Variants in TRIM50 observed in about 807,000 individuals in gnomAD.
TRIM50 encodes tripartite motif containing 50.
A neutral mutation model predicts 44.9 loss-of-function variants in TRIM50; 34 were observed. That is an observed-to-expected ratio of 0.76 (90% CI 0.58 to 1.01). The LOEUF is 1.01. Among genes scored for constraint, TRIM50 ranks in the 50% least tolerant of loss-of-function variants. TRIM50 has a pLI of 0.00. For synonymous variants in TRIM50, 307 were observed against 291.1 expected, an observed-to-expected ratio of 1.05 and a Z score of -0.56; for missense variants, 633 against 663.7, an observed-to-expected ratio of 0.95 and a Z score of 0.51.
rs1378358205 is a variant in TRIM50, at chr7:73,323,801, A to T, written c.399+588T>A. On this transcript the variant is annotated intron_variant, in intron 2 of 6. Transcript: ENST00000333149. ...ATGCCTATAATTCCAGCACTTTGGG[A>T]GGCCCAGGCAGGAGGATCATTGGAG... Among the ~76,000 whole-genome samples, 3 of 152,176 alleles carry T rather than the reference A, an allele frequency of 2.0e-5. No individual in the cohort carries two copies. The East Asian group carries it at 5.8e-4, about 29-fold the overall frequency.
intron 2 of TRIM50, among the ~76,000 whole-genome samples, chr7:73,320,605 C>T (rs573696919): frequency 6.7e-5 from 10 of 149,924 alleles, no homozygotes; most frequent in Middle Eastern, 7.2e-3. Context: ...GGCTAAGGCA[C>T]GAGAATCGCT....
rs201525569 is a variant in TRIM50 at position 73,318,849 on chromosome 7, G to T, written c.699C>A (p.Gly233=). The part of the protein sequence containing the change: ...AQAECVLEQF[G]NEDHHKFIRK... ...GGATGAACTTGTGGTGGTCCTCATT[G>T]CCGAACTGTTCCAGCACACACTCGG... Residue 233 remains glycine (G), a synonymous_variant, in exon 4 of 7, where the codon GGC becomes GGA. Transcript: ENST00000333149. The T allele has an allele frequency of 3.4e-4, 547 of 1,613,648 alleles. 1 individual carries two copies. The highest frequency in any genetic ancestry group is 5.0e-4 in the Middle Eastern group (3 of 6,050).
At chr7:73,316,825 C>G (rs1804373009) in intron 5 of TRIM50, 136 bp from the exon 6 acceptor site, 1 of 1,340,920 alleles carries the variant, frequency 7.5e-7, no homozygotes, top group African/African-American at 1.5e-5. Context: ...CCCATCATCC[C>G]CTCCCCTGCA....
At chr7:73,327,497 T>C (rs558482084) in intron 1 of TRIM50, among the ~76,000 whole-genome samples, 1 of 152,094 alleles carries the variant, frequency 6.6e-6, no homozygotes. Context: ...AATCAATCAA[T>C]CAATCAATCA....
chr7:73,313,419 G>C lies in TRIM50; in HGVS notation c.966C>G (p.Ala322=). The C allele has an allele frequency of 6.4e-7, 1 of 1,570,846 alleles. No homozygotes were observed. ...GCTCAGGCTGGCTGGCTCGCCGCTG[G>C]GCCAGAAGCCCGCACTGCACCACCG... ...GNTVVQCGLL[A]QRRASQPERF... Residue 322 remains alanine (A), a synonymous_variant, in exon 7 of 7, where the codon GCC becomes GCG. Coordinates refer to ENST00000333149, the MANE Select transcript of TRIM50 (RefSeq NM_178125.3). This position sits in a 1 kb window ranked among gnomAD's most constrained non-coding sequence, Gnocchi z 4.9.
At chr7:73,326,686 C>G (rs1554546151) in intron 1 of TRIM50, among the ~76,000 whole-genome samples, 1 of 151,774 alleles carries the variant, frequency 6.6e-6, no homozygotes, top group African/African-American at 2.4e-5. Context: ...ATAGAATGTA[C>G]TCTTTTGTGT....
chr7:73,314,946 T>C (rs1490147070), intron 6 of TRIM50: 1 of 281,520 alleles, frequency 3.6e-6, no homozygotes, highest in South Asian at 3.8e-5. Context: ...GTGTGTAAAG[T>C]GGGGTCCCTG....
rs781942455 is a variant in TRIM50 at position 73,319,022 on chromosome 7, G to A, written c.526C>T (p.Arg176Cys). ...TGGTGCAGCTCCTGGAACTCGCGGC[G>A]GATCACCCAGCTGAAGACATCCGAC... ...NESDVFSWVI[R>C]REFQELHHLV... Residue 176 changes from arginine to cysteine, a missense_variant, in exon 4 of 7, where the codon CGC becomes TGC. Coordinates refer to ENST00000333149, the MANE Select transcript of TRIM50 (RefSeq NM_178125.3). The A allele has an allele frequency of 1.1e-5, 17 of 1,613,860 alleles. No individual in the cohort carries two copies. Among genetic ancestry groups the A allele is most frequent in the Admixed American group, 3.3e-5 (2 of 59,990 alleles).
chr7:73,313,216 T>C lies in TRIM50; in HGVS notation c.1169A>G (p.Lys390Arg). 6.3e-7 allele frequency: 1 copy of C among 1,592,522 alleles called. No individual in the cohort carries two copies. The highest frequency in any genetic ancestry group is 1.1e-5 in the South Asian group (1 of 87,900). Residue 390 changes from lysine (K) to arginine (R), a missense_variant, in exon 7 of 7, where the codon AAG (lysine) becomes AGG (arginine). By Grantham distance (26) the Lys-to-Arg change is conservative. Coordinates refer to ENST00000333149, the MANE Select transcript of TRIM50 (RefSeq NM_178125.3). This position sits in a 1 kb window ranked among gnomAD's most constrained non-coding sequence, Gnocchi z 4.9. The stretch of plus-strand genomic sequence containing the variant: ...AAAGGCTTCGTACACCCGGCCCTCC[T>C]TCAGGCCGATCAGCCACACGCCGTG... ...PEHGVWLIGL[K>R]EGRVYEAFAC...
At position 73,316,713 on chromosome 7, in the gene TRIM50, AAG is replaced by A. The variant is rs782375233; in HGVS notation, c.750-26_750-25del. ...CTCTGCAGGTGACAGTTCACAGTAC[AAG>A]AGAGTGAGGTATCACGTGGCCCACC... On this transcript the variant is annotated intron_variant, in intron 5 of 6. Transcript: ENST00000333149. 4 of 1,610,362 alleles carry A rather than the reference AAG, an allele frequency of 2.5e-6. No homozygotes were observed. In the South Asian group the frequency reaches 4.4e-5, roughly 18 times the overall value.
intron 1 of TRIM50, 75 bp from the exon 2 acceptor site, chr7:73,324,880 C>T: frequency 6.3e-7 from 1 of 1,576,224 alleles, no homozygotes; most frequent in Non-Finnish European, 8.6e-7. Flanking sequence ...CACCCTCAAC[C>T]CTAAGGAGCA....
intron 5 of TRIM50, 42 bp from the exon 6 acceptor site, chr7:73,316,731 G>C (rs1421697140): frequency 6.2e-7 from 1 of 1,601,392 alleles, no homozygotes; most frequent in African/African-American, 1.3e-5. Flanking sequence ...GAGGTATCAC[G>C]TGGCCCACCC....
In TRIM50 at chr7:73,313,999, C is replaced by T. The variant is rs2115712588; in HGVS notation, c.875-489G>A. ...CTAGCCTAGTCAGCCTATTCAAGGA[C>T]GAACTAGCCCACCTGAGCTTTTTGC... On this transcript the variant is annotated intron_variant, in intron 6 of 6. Coordinates refer to ENST00000333149, the MANE Select transcript of TRIM50 (RefSeq NM_178125.3). The surrounding 1 kb of genome is among the most constrained non-coding windows in gnomAD (Gnocchi z 4.9). 1 of 241,540 alleles carries T rather than the reference C, an allele frequency of 4.1e-6. No individual in the cohort carries two copies. Among genetic ancestry groups the T allele is most frequent in the Non-Finnish European group, 8.0e-6 (1 of 124,508 alleles). 15.0% of individuals were successfully genotyped at this position (241,540 alleles called of 1,614,324 possible).
intron 3 of TRIM50, 70 bp downstream of exon 3, chr7:73,320,077 T>C: frequency 6.2e-7 from 1 of 1,612,276 alleles, no homozygotes; most frequent in South Asian, 1.1e-5. Flanking sequence ...AAAGGACCAA[T>C]GAGAACTGAG....
Position 73,313,602 on chromosome 7 carries a change from G to A in TRIM50, c.875-92C>T. The A allele has an allele frequency of 9.0e-7, 1 of 1,109,046 alleles. No individual in the cohort carries two copies. The highest frequency in any genetic ancestry group is 1.2e-6 in the Non-Finnish European group (1 of 801,004). 68.7% of individuals were successfully genotyped at this position (1,109,046 alleles called of 1,614,324 possible). On this transcript the variant is annotated intron_variant, in intron 6 of 6. Coordinates refer to ENST00000333149, the MANE Select transcript of TRIM50 (RefSeq NM_178125.3). The surrounding 1 kb of genome is among the most constrained non-coding windows in gnomAD (Gnocchi z 4.9). ...TGATGGAGGCCCTGAACTCCCCAAG[G>A]AGAGGGGCTGTGTCTTCCTCATCTC... is the stretch of plus-strand genomic sequence containing the variant.
rs1293435113 is a variant in TRIM50 at position 73,322,587 on chromosome 7, C to A, written c.399+1802G>T. On this transcript the variant is annotated intron_variant, in intron 2 of 6. Coordinates refer to ENST00000333149, the MANE Select transcript of TRIM50 (RefSeq NM_178125.3). The stretch of plus-strand genomic sequence containing the variant: ...CTGCTACATCTAACACTTTTCAGTC[C>A]TCAGAGACATTTCACACACGTGATC... Among the ~76,000 whole-genome samples, 49 of 152,216 alleles carry A rather than the reference C, an allele frequency of 3.2e-4. 2 individuals carry two copies. The highest frequency in any genetic ancestry group is 8.8e-5 in the Non-Finnish European group (6 of 68,044).
rs187852643 is a variant in TRIM50 at position 73,324,604 on chromosome 7, C to T, written c.184G>A (p.Gly62Ser). The change falls in exon 2 of 7, where the codon GGC becomes AGC. Residue 62 changes from glycine to serine, a missense_variant. Transcript: ENST00000333149. ...GAGACGTTGGGCAGGGAGCTGCTGC[C>T]GTCCACCGCCTGCCGGCACACGGGG... is the stretch of plus-strand genomic sequence containing the variant. ...RCPVCRQAVD[G>S]SSSLPNVSLA... is the part of the protein sequence containing the mutation. 2.8e-5 allele frequency: 45 copies of T among 1,614,090 alleles called. No individual in the cohort carries two copies. The highest frequency in any genetic ancestry group is 3.6e-5 in the Non-Finnish European group (42 of 1,180,006).
intron 6 of TRIM50, among the ~76,000 whole-genome samples, chr7:73,315,959 C>T (rs1280241118): frequency 2.0e-5 from 3 of 151,358 alleles, no homozygotes; most frequent in African/African-American, 7.3e-5. Flanking sequence ...CAACTCACTG[C>T]AACCTCCACC....
At chr7:73,322,250 G>A (rs1804513661) in intron 2 of TRIM50, among the ~76,000 whole-genome samples, 3 of 152,214 alleles carry the variant, frequency 2.0e-5, no homozygotes, top group Non-Finnish European at 4.4e-5. Context: ...TTGGGAGGCT[G>A]AGGCAGGAGA....
Sources: allele counts gnomAD v4.1 joint callset (sites outside exome capture counted in the v4.1 genomes callset), GRCh38; gene constraint gnomAD v4.1.1; non-coding constraint Gnocchi (gnomAD v3.1); transcripts MANE v1.5; gene names NCBI Gene and HGNC (gene_info 2026-07-23, HGNC 2026-07-21).